The following NTRK3 variants were observed in gnomAD, a reference collection of about 807,000 sequenced individuals.
The protein encoded by NTRK3 is neurotrophic receptor tyrosine kinase 3, also known as NT-3 growth factor receptor.
A neutral mutation model predicts 91.7 loss-of-function variants in NTRK3; 24 were observed. That is an observed-to-expected ratio of 0.26 (90% CI 0.19 to 0.37). The LOEUF is 0.37. NTRK3 is among the 10% of genes least tolerant of loss of function. The pLI is 1.00. For synonymous variants in NTRK3, 483 were observed against 404.0 expected, an observed-to-expected ratio of 1.20 and a Z score of -2.34; for missense variants, 880 against 1,068.9, an observed-to-expected ratio of 0.82 and a Z score of 2.46.
At position 87,876,450 on chromosome 15, in the gene NTRK3, G is replaced by A. The variant is rs550790231; in HGVS notation, c.*485C>T. 15 of 228,742 alleles carry A rather than the reference G, an allele frequency of 6.6e-5. No individual in the cohort carries two copies. The South Asian group carries it at 2.4e-3, about 36-fold the overall frequency. The allele number at this position is 228,742 out of a possible 1,614,324, so 14.2% of individuals were successfully genotyped here. A position where few individuals can be genotyped will look rare whatever the true frequency, so the allele number is the denominator to read the frequency against. ...CGGGGTAACAGACACACACAGCAGC[G>A]ACTGAGCACCACCTTAACTCCTCCC... On this transcript the variant is annotated 3_prime_UTR_variant, in exon 19 of 19. Transcript: ENST00000394480.
chr15:87,878,288 T>C (rs1377915329), intron 18 of NTRK3, among the ~76,000 whole-genome samples: 1 of 152,132 alleles, frequency 6.6e-6, no homozygotes, highest in African/African-American at 2.4e-5. Context: ...AAAAGCACTG[T>C]CTTTTTTCTC....
chr15:87,980,226 G>A (rs1276074766), intron 14 of NTRK3, among the ~76,000 whole-genome samples: 2 of 152,196 alleles, frequency 1.3e-5, no homozygotes, highest in African/African-American at 4.8e-5. Context: ...CATGGACTGA[G>A]TTAGGATATC....
intron 13 of NTRK3, among the ~76,000 whole-genome samples, chr15:88,063,275 A>T (rs1015930648): frequency 1.3e-5 from 2 of 152,230 alleles, no homozygotes; most frequent in East Asian, 1.9e-4. Context: ...GCCCGACATC[A>T]TTTCTTGCTT....
chr15:88,146,196 C>T (rs2042875554), intron 6 of NTRK3, among the ~76,000 whole-genome samples: 1 of 152,182 alleles, frequency 6.6e-6, no homozygotes, highest in Non-Finnish European at 1.5e-5. Flanking sequence ...ACCTACAGTA[C>T]ACAAGGTCAT....
At chr15:87,954,205 C>G (rs2071443029) in intron 14 of NTRK3, among the ~76,000 whole-genome samples, 1 of 152,168 alleles carries the variant, frequency 6.6e-6, no homozygotes, top group Non-Finnish European at 1.5e-5. Context: ...AGAGGCCAGC[C>G]CTTGGGCTCT....
At chr15:88,154,255 T>G (rs1323793593) in intron 5 of NTRK3, among the ~76,000 whole-genome samples, 1 of 152,104 alleles carries the variant, frequency 6.6e-6, no homozygotes, top group Non-Finnish European at 1.5e-5. Flanking sequence ...ACCAGAGGTA[T>G]CTGCAGCCTA....
In NTRK3 at chr15:88,075,173, A is replaced by G. The variant is rs184787040; in HGVS notation, c.1397-42128T>C. ...TGTGCATCCCTCAGCTGCCTGGATC[A>G]GCTGGGCCTCCCTGCCATGAACTTG... On this transcript the variant is annotated intron_variant, in intron 13 of 18. Transcript: ENST00000394480. Among the ~76,000 whole-genome samples, 470 of 152,342 alleles carry G rather than the reference A, an allele frequency of 3.1e-3. 3 individuals carry two copies. The highest frequency in any genetic ancestry group is 0.011 in the African/African-American group (457 of 41,576).
chr15:87,983,641 C>T (rs1408604229), intron 14 of NTRK3, among the ~76,000 whole-genome samples: 1 of 152,204 alleles, frequency 6.6e-6, no homozygotes, highest in African/African-American at 2.4e-5. Flanking sequence ...CCCAAGTTCA[C>T]TTTGTGGCAA....
In NTRK3 at chr15:88,235,938, G is replaced by A. The variant is rs2051682241; in HGVS notation, c.248+19968C>T. Reference sequence around the variant, plus strand: ...CTGCAAGGCAAAGATACAAGGTCCTGTTTCGATGAGTCACATAAATGTGTC... The same window carrying A: ...CTGCAAGGCAAAGATACAAGGTCCTATTTCGATGAGTCACATAAATGTGTC... On this transcript the variant is annotated intron_variant, in intron 3 of 18. Coordinates refer to ENST00000394480, the Ensembl canonical transcript of NTRK3. This position sits in a 1 kb window ranked among gnomAD's most constrained non-coding sequence, Gnocchi z 5.2. Among the ~76,000 whole-genome samples, 1 of 152,174 alleles carries A rather than the reference G, an allele frequency of 6.6e-6. No homozygotes were observed. Among genetic ancestry groups the A allele is most frequent in the Non-Finnish European group, 1.5e-5 (1 of 68,036 alleles).
chr15:87,980,595 T>C (rs942362195), intron 14 of NTRK3, among the ~76,000 whole-genome samples: 3 of 152,174 alleles, frequency 2.0e-5, no homozygotes, highest in Non-Finnish European at 4.4e-5. Flanking sequence ...TATCTTTTTA[T>C]GGAAGCTATG....
intron 14 of NTRK3, among the ~76,000 whole-genome samples, chr15:87,970,488 A>T (rs1252584539): frequency 6.6e-6 from 1 of 152,318 alleles, no homozygotes; most frequent in Non-Finnish European, 1.5e-5. Context: ...ATTCTTCTTT[A>T]AAAGCTTCTG....
At chr15:88,192,692 C>A (rs11632090) in intron 3 of NTRK3, among the ~76,000 whole-genome samples, 379 of 152,298 alleles carry the variant, frequency 2.5e-3, no homozygotes, top group Non-Finnish European at 4.1e-3. Context: ...ACACACTCCC[C>A]TTGTTTTGTG....
At chr15:87,977,593 T>A (rs1266369309) in intron 14 of NTRK3, 1 of 231,270 alleles carries the variant, frequency 4.3e-6, no homozygotes, top group Non-Finnish European at 8.6e-6. Context: ...GAGGAGGCCC[T>A]GGACCCAAAG....
intron 5 of NTRK3, among the ~76,000 whole-genome samples, chr15:88,166,839 C>T (rs1031636428): frequency 1.3e-5 from 2 of 152,136 alleles, no homozygotes; most frequent in African/African-American, 4.8e-5. Context: ...ATGTATAAAA[C>T]AAGAAGATGG....
intron 17 of NTRK3, among the ~76,000 whole-genome samples, chr15:87,911,226 G>A (rs895725335): frequency 6.6e-6 from 1 of 152,130 alleles, no homozygotes; most frequent in South Asian, 2.1e-4. Flanking sequence ...GATATGCAGA[G>A]GGTGAATTTG....
chr15:88,060,658 G>C (rs1329217679), intron 13 of NTRK3, among the ~76,000 whole-genome samples: 1 of 152,108 alleles, frequency 6.6e-6, no homozygotes, highest in Non-Finnish European at 1.5e-5. Context: ...CTGAGCACGG[G>C]GGAACAGCAG....
At chr15:88,130,415 G>A (rs1227781951) in intron 10 of NTRK3, among the ~76,000 whole-genome samples, 1 of 152,116 alleles carries the variant, frequency 6.6e-6, no homozygotes, top group Non-Finnish European at 1.5e-5. Context: ...GTGAAAGAAG[G>A]ATGAGAAACA....
rs555083085 is a variant in NTRK3 at position 87,876,246 on chromosome 15, C to A, written c.*689G>T. 11 of 232,612 alleles carry A rather than the reference C, an allele frequency of 4.7e-5. No homozygotes were observed. In the East Asian group the frequency reaches 6.7e-4, roughly 14 times the overall value. The allele number at this position is 232,612 out of a possible 1,614,324, so 14.4% of individuals were successfully genotyped here. ...TGGGGTTGTCTGTTCTGTGTTTACCCGTAGGTGCCATCATTGATTCCCAAA... is the reference window on the plus strand; with the variant it reads ...TGGGGTTGTCTGTTCTGTGTTTACCAGTAGGTGCCATCATTGATTCCCAAA... On this transcript the variant is annotated 3_prime_UTR_variant, in exon 19 of 19. Coordinates refer to ENST00000394480, the Ensembl canonical transcript of NTRK3.
chr15:87,976,825 G>A (rs1021740769), intron 14 of NTRK3, among the ~76,000 whole-genome samples: 1 of 152,142 alleles, frequency 6.6e-6, no homozygotes, highest in Non-Finnish European at 1.5e-5. Flanking sequence ...CCTTGGGCAA[G>A]GTCACTTTCC....
Sources: allele counts gnomAD v4.1 joint callset (sites outside exome capture counted in the v4.1 genomes callset), GRCh38; gene constraint gnomAD v4.1.1; non-coding constraint Gnocchi (gnomAD v3.1); transcripts MANE v1.5; gene names NCBI Gene and HGNC (gene_info 2026-07-23, HGNC 2026-07-21).